CES5A: variants seen among roughly 807,000 people sequenced by gnomAD.
CES5A encodes the protein carboxylesterase 5.
A neutral mutation model predicts 62.9 loss-of-function variants in CES5A; 67 were observed. The ratio of observed to expected loss-of-function variants is 1.07; its 90% CI spans 0.88 to 1.31. The LOEUF is 1.31. Among genes scored for constraint, CES5A ranks in the 50% most tolerant of loss-of-function variants. CES5A has a pLI of 0.00. For missense variants in CES5A, 748 were observed against 708.5 expected, an observed-to-expected ratio of 1.06 and a Z score of -0.63; for synonymous variants, 296 against 280.8, an observed-to-expected ratio of 1.05 and a Z score of -0.54.
chr16:55,865,459 AT>A (rs2033437759), intron 5 of CES5A, among the ~76,000 whole-genome samples: 1 of 152,212 alleles, frequency 6.6e-6, no homozygotes, highest in Non-Finnish European at 1.5e-5. Context: ...TGAAACTGCA[AT>A]TTGAGGACAG....
chr16:55,862,748 A>G (rs1210376808), intron 6 of CES5A, among the ~76,000 whole-genome samples: 1 of 152,212 alleles, frequency 6.6e-6, no homozygotes, highest in Non-Finnish European at 1.5e-5. Flanking sequence ...ATTGAATGAA[A>G]CAGCTCATTC....
chr16:55,900,968 C>T (rs2033984158), intron 1 of CES5A, among the ~76,000 whole-genome samples: 1 of 152,166 alleles, frequency 6.6e-6, no homozygotes, highest in Admixed American at 6.5e-5. Flanking sequence ...TTGTGTGAGT[C>T]AGGGGGAGAG....
chr16:55,938,750 A>C (rs2034405894), intron 2 of CES5A, among the ~76,000 whole-genome samples: 2 of 73,682 alleles, frequency 2.7e-5, no homozygotes, highest in Admixed American at 3.1e-4. Flanking sequence ...AAAAAAAAAA[A>C]AAAAAAAAAA....
intron 2 of CES5A, chr16:55,944,356 T>G: frequency 2.2e-6 from 1 of 451,322 alleles, no homozygotes; most frequent in East Asian, 3.6e-5. Flanking sequence ...ATAAACTCTC[T>G]ACCACCATTG....
Position 55,886,505 on chromosome 16 carries a change from C to T in CES5A, c.-255-12468G>A, listed in dbSNP as rs74019320. Among the ~76,000 whole-genome samples the T allele has an allele frequency of 5.7e-3, 861 of 152,312 alleles. 12 individuals are homozygous for T. The highest frequency in any genetic ancestry group is 0.019 in the African/African-American group (769 of 41,566). On this transcript the variant is annotated intron_variant, in intron 1 of 12. Transcript: ENST00000518005. ...AGCCTCCCTCCTCAGCCATGCAGTT[C>T]TTGCACAACGAACCCATGAACAGAA...
At chr16:55,854,531 C>CTTTCTGTTTTTTTTCTTTTTTTTTTTTTT (rs1555479325) in intron 9 of CES5A, among the ~76,000 whole-genome samples, 1 of 52,164 alleles carries the variant, frequency 1.9e-5, no homozygotes, top group Non-Finnish European at 3.6e-5. Context: ...TGTAGTGTTT[C>CTTTCTGTTTTTTTTCTTTTTTTTTTTTTT]TTTTTTTTTT....
At chr16:55,906,370 CT>C (rs1230686200) in intron 1 of CES5A, among the ~76,000 whole-genome samples, 5 of 152,200 alleles carry the variant, frequency 3.3e-5, no homozygotes, top group Non-Finnish European at 4.4e-5. Context: ...TACGAGATGT[CT>C]GGATTCTCCC....
At chr16:55,926,211 T>A (rs188114581), upstream of CES5A, among the ~76,000 whole-genome samples, 179 of 152,266 alleles carry the variant, frequency 1.2e-3, 1 homozygote, top group Middle Eastern at 6.8e-3. Flanking sequence ...TGTGAATATA[T>A]TAAATTAGCA....
intron 2 of CES5A, among the ~76,000 whole-genome samples, chr16:55,941,965 C>T (rs1049909268): frequency 4.6e-5 from 7 of 152,020 alleles, no homozygotes; most frequent in African/African-American, 1.4e-4. Flanking sequence ...ACTTCCAAGG[C>T]GTTAAGTCAG....
At chr16:55,869,456 T>A in intron 4 of CES5A, 155 bp downstream of exon 4, 2 of 1,332,278 alleles carry the variant, frequency 1.5e-6, no homozygotes. Context: ...TTGGGATTTA[T>A]CTGCTACAGC....
chr16:55,909,615 C>A (rs1432703169), intron 1 of CES5A, among the ~76,000 whole-genome samples: 3 of 147,540 alleles, frequency 2.0e-5, no homozygotes, highest in African/African-American at 7.3e-5. Context: ...GGCAGAGGAA[C>A]CTGATCTCAC....
chr16:55,865,895 G>A lies in CES5A; in HGVS notation c.705+68C>T, dbSNP rs149995730. The A allele has an allele frequency of 1.6e-4, 246 of 1,533,746 alleles. 2 individuals carry two copies. The East Asian group carries it at 5.2e-3, about 32-fold the overall frequency. ...ACATGAAGGCAACAATCAAATGTTAGTGACTCATCATCATTTTTGGAACCT... is the reference window on the plus strand; with the variant it reads ...ACATGAAGGCAACAATCAAATGTTAATGACTCATCATCATTTTTGGAACCT... On this transcript the variant is annotated intron_variant, in intron 5 of 12. Coordinates refer to ENST00000290567, the MANE Select transcript of CES5A (RefSeq NM_001143685.2).
At chr16:55,875,400 A>G, upstream of CES5A, 6 of 1,382,412 alleles carry the variant, frequency 4.3e-6, no homozygotes, top group Non-Finnish European at 5.6e-6. Flanking sequence ...ACTAAGCAAG[A>G]CTTTCCTGTT....
chr16:55,872,509 G>C (rs2142413512), intron 2 of CES5A, among the ~76,000 whole-genome samples: 1 of 152,290 alleles, frequency 6.6e-6, no homozygotes, highest in East Asian at 1.9e-4. Flanking sequence ...CTAAGACTCT[G>C]TTTTAGTCAC....
At position 55,871,567 on chromosome 16, in the gene CES5A, G is replaced by A. The variant is rs1431367157; in HGVS notation, c.417+58C>T. 1.6e-5 allele frequency: 26 copies of A among 1,602,378 alleles called. No homozygotes were observed. The African/African-American group carries it at 3.2e-4, about 20-fold the overall frequency. ...TTCCAGACATGTAGCTGCACTGCCT[G>A]GATCCCAGGCCAAGGTCCTGCTAGC... On this transcript the variant is annotated intron_variant, in intron 3 of 12. Coordinates refer to ENST00000290567, the MANE Select transcript of CES5A (RefSeq NM_001143685.2).
chr16:55,894,143 A>G (rs2033907661), intron 1 of CES5A, among the ~76,000 whole-genome samples: 1 of 152,184 alleles, frequency 6.6e-6, no homozygotes, highest in Non-Finnish European at 1.5e-5. Context: ...TTATTCAAAA[A>G]TGAAGACAAA....
intron 9 of CES5A, among the ~76,000 whole-genome samples, chr16:55,854,082 A>G (rs1471229062): frequency 1.1e-4 from 17 of 152,134 alleles, no homozygotes; most frequent in Non-Finnish European, 5.9e-5. Flanking sequence ...AGCAGACTCC[A>G]TGGTGCTGGT....
chr16:55,871,379 C>T lies in CES5A; in HGVS notation c.417+246G>A, dbSNP rs145534908. ...CTGAAAGCTTTCAGGTCACTAAATA[C>T]GCAACAGAGGGGAAAACAAAACAAA... On this transcript the variant is annotated intron_variant, in intron 3 of 12. Coordinates refer to ENST00000290567, the MANE Select transcript of CES5A (RefSeq NM_001143685.2). Among the ~76,000 whole-genome samples the T allele has an allele frequency of 7.8e-4, 118 of 152,238 alleles. 2 individuals carry two copies. The highest frequency in any genetic ancestry group is 2.5e-3 in the African/African-American group (105 of 41,534).
chr16:55,938,961 G>A (rs1311486901), intron 2 of CES5A, among the ~76,000 whole-genome samples: 3 of 151,150 alleles, frequency 2.0e-5, no homozygotes, highest in African/African-American at 7.3e-5. Context: ...GTTTTGTGTT[G>A]TTCATGTACC....
Sources: allele counts gnomAD v4.1 joint callset (sites outside exome capture counted in the v4.1 genomes callset), GRCh38; gene constraint gnomAD v4.1.1; transcripts MANE v1.5; gene names NCBI Gene and HGNC (gene_info 2026-07-23, HGNC 2026-07-21).